Variants in TEX9 observed in about 807,000 individuals in gnomAD.
TEX9 encodes testis-expressed protein 9.
Under a neutral mutation model 59.6 loss-of-function variants are expected in TEX9, and 74 were observed. That is an observed-to-expected ratio of 1.24 (90% CI 1.03 to 1.51). The LOEUF (loss-of-function observed/expected upper bound fraction) is 1.51, where lower values mean the gene tolerates loss of function less well. Ranked by LOEUF, TEX9 falls within the 40% of genes most tolerant of loss-of-function variation. The probability of loss-of-function intolerance (pLI) is 0.00; values close to 1 mark genes in which losing one functional copy is unlikely to be tolerated. For missense variants in TEX9, 522 were observed against 447.8 expected (o/e 1.17, Z -1.49); for synonymous variants, 186 against 152.2 (o/e 1.22, Z -1.64).
chr15:56,277,422 A>T (rs1020689361), intron 1 of TEX9, among the ~76,000 whole-genome samples: 1 of 152,154 alleles, frequency 6.6e-6, no homozygotes, highest in Admixed American at 6.6e-5. Context: ...ACCATTTATT[A>T]AGTAGGAAAT....
chr15:56,315,288 C>G (rs1310953055), intron 1 of TEX9, among the ~76,000 whole-genome samples: 1 of 142,718 alleles, frequency 7.0e-6, no homozygotes, highest in South Asian at 2.4e-4. Context: ...GCGGCTGGTA[C>G]CGGTTGTTCC....
chr15:56,260,607 A>T (rs2044243920), intron 1 of TEX9, among the ~76,000 whole-genome samples: 1 of 152,010 alleles, frequency 6.6e-6, no homozygotes, highest in Admixed American at 6.6e-5. Context: ...ATTGGTTATG[A>T]TATGTTATCC....
intron 12 of TEX9, among the ~76,000 whole-genome samples, chr15:56,445,397 C>G (rs1423230020): frequency 2.0e-5 from 3 of 151,948 alleles, no homozygotes; most frequent in African/African-American, 7.2e-5. Context: ...ATTTTTTAAA[C>G]TACGCTTTAC....
chr15:56,267,974 T>A (rs530598664), intron 1 of TEX9, among the ~76,000 whole-genome samples: 1 of 152,236 alleles, frequency 6.6e-6, no homozygotes, highest in East Asian at 1.9e-4. Flanking sequence ...GAAATGTTCT[T>A]CCATTTGTTT....
At chr15:56,245,988 G>A (rs2043844024) in intron 1 of TEX9, among the ~76,000 whole-genome samples, 1 of 152,082 alleles carries the variant, frequency 6.6e-6, no homozygotes, top group Admixed American at 6.5e-5. Flanking sequence ...ACCCTGGGAG[G>A]GGGAGATCCT....
At chr15:56,394,015 G>A (rs2048337230) in intron 7 of TEX9, 150 bp from the exon 8 acceptor site, 1 of 576,414 alleles carries the variant, frequency 1.7e-6, no homozygotes, top group Admixed American at 3.6e-5. Flanking sequence ...CATTAGGACT[G>A]TTGAGTACCT....
chr15:56,272,910 G>T (rs961434316), intron 1 of TEX9, among the ~76,000 whole-genome samples: 1 of 144,330 alleles, frequency 6.9e-6, no homozygotes, highest in East Asian at 2.2e-4. Context: ...AATTGGTGGG[G>T]GTTCTTTATT....
chr15:56,393,551 G>A (rs1183462560), intron 7 of TEX9: 2 of 152,148 alleles, frequency 1.3e-5, no homozygotes, highest in African/African-American at 4.8e-5. Context: ...ACTTATGAGT[G>A]AGTTCTAAGT....
At chr15:56,432,269 T>TA (rs1431899243) in intron 12 of TEX9, among the ~76,000 whole-genome samples, 1 of 152,182 alleles carries the variant, frequency 6.6e-6, no homozygotes, top group Non-Finnish European at 1.5e-5. Context: ...GAAAAATTTA[T>TA]AGTAAATTAA....
At chr15:56,413,455 G>C (rs982587634) in intron 10 of TEX9, among the ~76,000 whole-genome samples, 55 of 151,086 alleles carry the variant, frequency 3.6e-4, no homozygotes, top group East Asian at 5.8e-4. Context: ...ATATAGTTCA[G>C]TAGTGTAACA....
chr15:56,454,099 C>CTG, the TEX9 span, among the ~76,000 whole-genome samples: 1 of 152,154 alleles, frequency 6.6e-6, no homozygotes, highest in African/African-American at 2.4e-5. Flanking sequence ...GAGGCATACT[C>CTG]TGTGAAAGAG....
At chr15:56,460,009 A>ATACATAT in the TEX9 span, among the ~76,000 whole-genome samples, 55 of 26,372 alleles carry the variant, frequency 2.1e-3, no homozygotes, top group East Asian at 0.014. Context: ...AAAAAAAAAA[A>ATACATAT]ATACATATAT....
intron 10 of TEX9, among the ~76,000 whole-genome samples, chr15:56,413,957 A>G (rs1285257268): frequency 6.6e-6 from 1 of 151,804 alleles, no homozygotes; most frequent in African/African-American, 2.4e-5. Context: ...GGGGCCATCA[A>G]TGATGGCATA....
the TEX9 span, among the ~76,000 whole-genome samples, chr15:56,459,424 G>A: frequency 1.3e-5 from 2 of 152,128 alleles, no homozygotes; most frequent in African/African-American, 4.8e-5. Flanking sequence ...AGACACTCGT[G>A]TATGAGTTTT....
At chr15:56,414,474 A>G (rs1392089324) in intron 10 of TEX9, among the ~76,000 whole-genome samples, 2 of 151,774 alleles carry the variant, frequency 1.3e-5, no homozygotes, top group East Asian at 1.9e-4. Flanking sequence ...GCTCCCACTT[A>G]TAAGTGAAAA....
chr15:56,362,400 T>C (rs1465053707), upstream of TEX9, among the ~76,000 whole-genome samples: 1 of 152,250 alleles, frequency 6.6e-6, no homozygotes, highest in African/African-American at 2.4e-5. Context: ...TTAATGCTCC[T>C]CTTTGTCCCT....
intron 1 of TEX9, among the ~76,000 whole-genome samples, chr15:56,341,591 A>AAC (rs2046373284): frequency 1.3e-5 from 2 of 152,096 alleles, no homozygotes; most frequent in African/African-American, 4.8e-5. Context: ...GAGGGAGTGT[A>AAC]CTTCAGGGGA....
chr15:56,255,436 C>G (rs2044123947), intron 1 of TEX9, among the ~76,000 whole-genome samples: 1 of 151,888 alleles, frequency 6.6e-6, no homozygotes. Context: ...GTCAAGCCAT[C>G]AGTGATTCCA....
At chr15:56,308,830 A>C (rs1295319110) in intron 1 of TEX9, among the ~76,000 whole-genome samples, 7 of 152,184 alleles carry the variant, frequency 4.6e-5, no homozygotes, top group African/African-American at 1.4e-4. Context: ...GAATTATTTT[A>C]TACTATTGCT....
Sources: allele counts gnomAD v4.1 joint callset (sites outside exome capture counted in the v4.1 genomes callset), GRCh38; gene constraint gnomAD v4.1.1; transcripts MANE v1.5; gene names NCBI Gene and HGNC (gene_info 2026-07-23, HGNC 2026-07-21).